ALDH1A2: variants seen among roughly 807,000 people sequenced by gnomAD.
ALDH1A2 encodes the protein retinal dehydrogenase 2.
ALDH1A2 carries 27 observed loss-of-function variants against 60.3 expected under a neutral mutation model. The observed-to-expected ratio is 0.45, with a 90% CI of 0.33 to 0.62. ALDH1A2 has a LOEUF of 0.62. ALDH1A2 is among the 20% of genes least tolerant of loss of function. ALDH1A2 has a pLI of 0.02. For missense variants in ALDH1A2, 581 were observed against 643.8 expected (o/e 0.90, Z 1.06); for synonymous variants, 289 against 232.4 (o/e 1.24, Z -2.21).
At chr15:58,022,644 C>A (rs150954507) in intron 1 of ALDH1A2, among the ~76,000 whole-genome samples, 228 of 152,238 alleles carry the variant, frequency 1.5e-3, no homozygotes, top group Middle Eastern at 3.4e-3. Flanking sequence ...ACCACTAGGG[C>A]CTAAAGACTG....
intron 4 of ALDH1A2, among the ~76,000 whole-genome samples, chr15:57,999,502 C>T (rs2140499737): frequency 6.6e-6 from 1 of 152,124 alleles, no homozygotes; most frequent in East Asian, 1.9e-4. Flanking sequence ...CATCTCACCC[C>T]ACTCAGAAGG....
intron 1 of ALDH1A2, among the ~76,000 whole-genome samples, chr15:58,020,581 C>T (rs974585029): frequency 1.3e-5 from 2 of 152,170 alleles, no homozygotes; most frequent in African/African-American, 4.8e-5. Context: ...AGCACTGGAA[C>T]ATTATTAGTA....
intron 1 of ALDH1A2, among the ~76,000 whole-genome samples, chr15:58,022,199 C>T (rs1314793415): frequency 6.6e-6 from 1 of 152,158 alleles, no homozygotes; most frequent in Non-Finnish European, 1.5e-5. Context: ...TCACTTTGTT[C>T]CCCATTCCCG....
At chr15:58,013,431 T>A (rs1353525355) in intron 3 of ALDH1A2, among the ~76,000 whole-genome samples, 1 of 152,180 alleles carries the variant, frequency 6.6e-6, no homozygotes, top group African/African-American at 2.4e-5. Context: ...ATTCAGCTGA[T>A]CCTCCATTTC....
chr15:57,966,909 G>A (rs1345545223), intron 7 of ALDH1A2, among the ~76,000 whole-genome samples: 2 of 152,218 alleles, frequency 1.3e-5, no homozygotes, highest in Non-Finnish European at 2.9e-5. Context: ...CCACTGGAGA[G>A]CACATATCAC....
intron 1 of ALDH1A2, among the ~76,000 whole-genome samples, chr15:58,054,052 T>A (rs1215692858): frequency 6.6e-6 from 1 of 152,182 alleles, no homozygotes; most frequent in Non-Finnish European, 1.5e-5. Context: ...TATTCCAGGT[T>A]CATTGCTTCT....
At chr15:58,003,610 T>TA (rs1305360286) in intron 4 of ALDH1A2, among the ~76,000 whole-genome samples, 6 of 151,886 alleles carry the variant, frequency 4.0e-5, no homozygotes, top group African/African-American at 1.4e-4. Flanking sequence ...CAACACTTGC[T>TA]ACAGAGAAAA....
chr15:57,967,166 C>T (rs933090669), intron 7 of ALDH1A2, among the ~76,000 whole-genome samples: 54 of 134,564 alleles, frequency 4.0e-4, no homozygotes, highest in Non-Finnish European at 6.1e-4. Flanking sequence ...GCCAGACTGC[C>T]TGGATTTTTT....
intron 1 of ALDH1A2, among the ~76,000 whole-genome samples, chr15:58,051,532 C>T (rs1896778978): frequency 6.6e-6 from 1 of 152,086 alleles, no homozygotes; most frequent in Admixed American, 6.6e-5. Context: ...GAGGTCAGTT[C>T]TGCTAAGAAA....
chr15:57,980,430 G>C (rs1419505365), intron 7 of ALDH1A2: 1 of 348,362 alleles, frequency 2.9e-6, no homozygotes, highest in Non-Finnish European at 5.8e-6. Context: ...TTGATCTTGG[G>C]GAATGAGGCC....
At chr15:58,007,452 T>C (rs891754463) in intron 4 of ALDH1A2, among the ~76,000 whole-genome samples, 1 of 152,066 alleles carries the variant, frequency 6.6e-6, no homozygotes, top group Non-Finnish European at 1.5e-5. Flanking sequence ...GAATTTATCA[T>C]GGCTTAGGCA....
intron 4 of ALDH1A2, among the ~76,000 whole-genome samples, chr15:57,996,299 C>T (rs1467863448): frequency 1.7e-5 from 2 of 120,652 alleles, no homozygotes; most frequent in African/African-American, 5.6e-5. Context: ...AAGTCTTGGC[C>T]TCTCTCTCTC....
Position 57,992,818 on chromosome 15 carries a change from C to A in ALDH1A2, c.685G>T (p.Ala229Ser). The change falls in exon 7 of 13, where the codon GCT becomes TCT. Residue 229 changes from alanine to serine, a missense_variant and splice_region_variant. Coordinates refer to ENST00000249750, the MANE Select transcript of ALDH1A2 (RefSeq NM_003888.4). ...TTGATGACCCCGGGAGGAAAGCCAG[C>A]CTAAGAAAACAGAACAGGAGGAAAC... is the stretch of plus-strand genomic sequence containing the variant. Reference protein sequence around the residue: ...ALYMGALIKEAGFPPGVINIL... With the variant: ...ALYMGALIKESGFPPGVINIL... 2 of 1,614,026 alleles carry A rather than the reference C, an allele frequency of 1.2e-6. No individual in the cohort carries two copies.
intron 7 of ALDH1A2, among the ~76,000 whole-genome samples, chr15:57,974,961 C>G (rs1243815835): frequency 1.3e-5 from 2 of 152,156 alleles, no homozygotes; most frequent in African/African-American, 4.8e-5. Context: ...GGCAAATACA[C>G]AAATGAAAAG....
chr15:57,999,317 A>G (rs1440866157), intron 4 of ALDH1A2, among the ~76,000 whole-genome samples: 1 of 152,138 alleles, frequency 6.6e-6, no homozygotes, highest in Non-Finnish European at 1.5e-5. Flanking sequence ...TACTATCCAG[A>G]ATCTACAAGG....
intron 1 of ALDH1A2, among the ~76,000 whole-genome samples, chr15:58,026,007 T>G (rs1270957365): frequency 6.6e-6 from 1 of 152,160 alleles, no homozygotes; most frequent in Admixed American, 6.5e-5. Context: ...GGGGATCACA[T>G]TGCCACATGA....
rs183987209 is a variant in ALDH1A2 at position 57,956,540 on chromosome 15, G to A, written c.1485-1271C>T. Among the ~76,000 whole-genome samples the A allele has an allele frequency of 1.6e-3, 241 of 152,266 alleles. 1 individual carries two copies. Among genetic ancestry groups the A allele is most frequent in the Admixed American group, 0.01 (160 of 15,290 alleles). On this transcript the variant is annotated intron_variant, in intron 12 of 12. Coordinates refer to ENST00000249750, the MANE Select transcript of ALDH1A2 (RefSeq NM_003888.4). Reference sequence around the variant, plus strand: ...TGAGTTGACAGGGACAACAGAGGGCGGCCAAGGAGAGACTGGGGCAAGCAG... The same window carrying A: ...TGAGTTGACAGGGACAACAGAGGGCAGCCAAGGAGAGACTGGGGCAAGCAG...
chr15:57,993,139 G>A, intron 5 of ALDH1A2, 66 bp from the exon 6 acceptor site: 1 of 1,580,872 alleles, frequency 6.3e-7, no homozygotes, highest in Non-Finnish European at 8.6e-7. Flanking sequence ...TTTTCAAGCT[G>A]TGACTTCTCA....
chr15:57,956,411 A>G (rs1326923806), intron 12 of ALDH1A2, among the ~76,000 whole-genome samples: 1 of 152,342 alleles, frequency 6.6e-6, no homozygotes, highest in Non-Finnish European at 1.5e-5. Context: ...TTTACAAGAG[A>G]GACCTGCTGT....
Sources: gnomAD v4.1 joint callset for allele counts (sites outside exome capture counted in the v4.1 genomes callset) on GRCh38, gnomAD v4.1.1 for gene constraint, MANE v1.5 for transcripts, NCBI Gene and HGNC (gene_info 2026-07-23, HGNC 2026-07-21) for gene names.